The following RBFOX1 variants were observed in gnomAD, a reference collection of about 807,000 sequenced individuals.
RBFOX1 encodes RNA binding protein fox-1 homolog 1.
RBFOX1 carries 8 observed loss-of-function variants against 57.7 expected under a neutral mutation model. That is an observed-to-expected ratio of 0.14 (90% CI 0.08 to 0.25). The LOEUF is 0.25. Ranked by LOEUF, RBFOX1 falls within the 10% of genes least tolerant of loss-of-function variation. The probability of loss-of-function intolerance (pLI) is 1.00; values close to 1 mark genes in which losing one functional copy is unlikely to be tolerated. For synonymous variants in RBFOX1, 326 were observed against 222.4 expected (o/e 1.47, Z -4.15); for missense variants, 611 against 548.5 (o/e 1.11, Z -1.14).
chr16:7,518,174 G>A lies in RBFOX1; in HGVS notation c.55G>A (p.Asp19Asn), dbSNP rs768759230. The A allele has an allele frequency of 5.2e-5, 84 of 1,613,384 alleles. No individual in the cohort carries two copies. Among genetic ancestry groups the A allele is most frequent in the Non-Finnish European group, 6.9e-5 (81 of 1,179,666 alleles). The change falls in exon 5 of 16, where the codon GAC becomes AAC. Residue 19 changes from aspartate to asparagine, a missense_variant. By Grantham distance (23) the Asp-to-Asn change is conservative. Transcript: ENST00000550418. The part of the protein sequence containing the change: ...RGNQEAAAAP[D>N]TMAQPYASAQ... ...TAATCAGGAAGCAGCCGCTGCCCCTGACACAATGGCTCAGCCTTACGCTTC... is the reference window on the plus strand; with the variant it reads ...TAATCAGGAAGCAGCCGCTGCCCCTAACACAATGGCTCAGCCTTACGCTTC...
intron 1 of RBFOX1, among the ~76,000 whole-genome samples, chr16:6,117,215 G>C (rs2096505888): frequency 6.6e-6 from 1 of 152,128 alleles, no homozygotes; most frequent in Non-Finnish European, 1.5e-5. Flanking sequence ...AAGAATTAAA[G>C]CCACAAATTA....
chr16:6,027,722 T>A (rs746773109), intron 1 of RBFOX1, among the ~76,000 whole-genome samples: 1 of 152,166 alleles, frequency 6.6e-6, no homozygotes, highest in African/African-American at 2.4e-5. Flanking sequence ...ATTAACCTTG[T>A]TTTTGTTGCT....
intron 6 of RBFOX1, among the ~76,000 whole-genome samples, chr16:7,585,961 G>A (rs769510693): frequency 9.2e-5 from 14 of 151,820 alleles, no homozygotes; most frequent in African/African-American, 2.7e-4. Flanking sequence ...ACAGAAGCAC[G>A]CGTAATGCTC....
intron 4 of RBFOX1, among the ~76,000 whole-genome samples, chr16:7,202,297 A>AT (rs753916121): frequency 1.0e-5 from 1 of 100,376 alleles, no homozygotes; most frequent in Non-Finnish European, 1.9e-5. Flanking sequence ...ATGGCTGCAA[A>AT]TAAAAAAAAA....
intron 1 of RBFOX1, among the ~76,000 whole-genome samples, chr16:5,328,946 G>T (rs1400546510): frequency 6.6e-6 from 1 of 152,212 alleles, no homozygotes; most frequent in East Asian, 1.9e-4. Context: ...GTTTCCAGGA[G>T]ATGCTTCCGA....
chr16:5,310,408 A>T (rs1348366110), intron 1 of RBFOX1, among the ~76,000 whole-genome samples: 1 of 152,096 alleles, frequency 6.6e-6, no homozygotes, highest in Admixed American at 6.5e-5. Context: ...CTCAAAAAAA[A>T]AAAGTATGGA....
At chr16:6,571,574 A>T (rs912479819) in intron 2 of RBFOX1, among the ~76,000 whole-genome samples, 1 of 152,272 alleles carries the variant, frequency 6.6e-6, no homozygotes, top group African/African-American at 2.4e-5. Context: ...GATGGAGAAC[A>T]TCAAGGACCT....
At chr16:6,305,352 C>G (rs1012320093) in intron 1 of RBFOX1, among the ~76,000 whole-genome samples, 2 of 152,182 alleles carry the variant, frequency 1.3e-5, no homozygotes, top group Admixed American at 6.5e-5. Flanking sequence ...CAGTGCAATG[C>G]TGCATGCAAA....
chr16:6,459,984 C>CAAAAAAAAAAAAAAAAAAAAA (rs149424076), intron 2 of RBFOX1, among the ~76,000 whole-genome samples: 12 of 47,684 alleles, frequency 2.5e-4, no homozygotes, highest in Admixed American at 4.1e-4. Flanking sequence ...AACTCCATCT[C>CAAAAAAAAAAAAAAAAAAAAA]AAAAAAAAAA....
At chr16:6,145,153 C>A (rs574859880) in intron 1 of RBFOX1, among the ~76,000 whole-genome samples, 1 of 152,040 alleles carries the variant, frequency 6.6e-6, no homozygotes, top group African/African-American at 2.4e-5. Context: ...GCCTACTGCC[C>A]ATTAGTTATA....
At chr16:5,419,967 C>G (rs1409774122) in intron 1 of RBFOX1, among the ~76,000 whole-genome samples, 1 of 152,128 alleles carries the variant, frequency 6.6e-6, no homozygotes, top group Non-Finnish European at 1.5e-5. Context: ...TTGCTGGTGT[C>G]TGCAGATACC....
At chr16:6,889,035 G>A (rs1306841166) in intron 3 of RBFOX1, among the ~76,000 whole-genome samples, 1 of 152,132 alleles carries the variant, frequency 6.6e-6, no homozygotes, top group Non-Finnish European at 1.5e-5. Context: ...GGAATTGCAT[G>A]TGTTCTCAAA....
chr16:6,346,685 T>G (rs188621300), intron 2 of RBFOX1, among the ~76,000 whole-genome samples: 1 of 152,354 alleles, frequency 6.6e-6, no homozygotes, highest in Non-Finnish European at 1.5e-5. Context: ...TATAGTTTTT[T>G]TATTTTAACA....
intron 2 of RBFOX1, among the ~76,000 whole-genome samples, chr16:6,514,411 A>G (rs1426556270): frequency 6.6e-6 from 1 of 152,184 alleles, no homozygotes; most frequent in African/African-American, 2.4e-5. Context: ...ACATGAATTG[A>G]TGCTATGCTC....
intron 2 of RBFOX1, among the ~76,000 whole-genome samples, chr16:5,582,010 C>T (rs965209132): frequency 3.3e-5 from 5 of 152,312 alleles, no homozygotes; most frequent in South Asian, 2.1e-4. Context: ...GCAGTTGTTT[C>T]GAACAGAAGG....
intron 3 of RBFOX1, among the ~76,000 whole-genome samples, chr16:5,749,689 G>C: frequency 6.6e-6 from 1 of 152,180 alleles, no homozygotes; most frequent in Non-Finnish European, 1.5e-5. Context: ...TCGTCACGTA[G>C]TTCTTGTGCC....
chr16:6,031,480 G>A (rs931902607), intron 1 of RBFOX1, among the ~76,000 whole-genome samples: 2 of 152,210 alleles, frequency 1.3e-5, no homozygotes, highest in Non-Finnish European at 2.9e-5. Context: ...GCGAGAATAA[G>A]GTACAAGGAG....
At chr16:5,788,593 C>T (rs1161616359) in intron 3 of RBFOX1, among the ~76,000 whole-genome samples, 1 of 152,154 alleles carries the variant, frequency 6.6e-6, no homozygotes, top group African/African-American at 2.4e-5. Context: ...CGTGCCACTG[C>T]ACTCCAGCCT....
At chr16:7,619,261 T>C (rs2141944664) in intron 10 of RBFOX1, among the ~76,000 whole-genome samples, 1 of 152,314 alleles carries the variant, frequency 6.6e-6, no homozygotes, top group East Asian at 1.9e-4. Context: ...TTGGTTGATG[T>C]GCATGTGATA....
Sources: gnomAD v4.1 joint callset for allele counts (sites outside exome capture counted in the v4.1 genomes callset) on GRCh38, gnomAD v4.1.1 for gene constraint, MANE v1.5 for transcripts, NCBI Gene and HGNC (gene_info 2026-07-23, HGNC 2026-07-21) for gene names.